PCDHGB3: variants seen among roughly 807,000 people sequenced by gnomAD.
PCDHGB3 encodes protocadherin gamma subfamily B, 3.
A neutral mutation model predicts 59.2 loss-of-function variants in PCDHGB3; 40 were observed. That is an observed-to-expected ratio of 0.68 (90% confidence interval 0.52 to 0.88). The LOEUF is 0.88. PCDHGB3 is among the 40% of genes least tolerant of loss of function. PCDHGB3 has a pLI of 0.00. For missense variants in PCDHGB3, 1,309 were observed against 1,187.9 expected, an observed-to-expected ratio of 1.10 and a Z score of -1.50; for synonymous variants, 581 against 503.6, an observed-to-expected ratio of 1.15 and a Z score of -2.06.
chr5:141,461,269 TTC>T (rs1316205976), intron 1 of PCDHGB3, among the ~76,000 whole-genome samples: 4 of 152,186 alleles, frequency 2.6e-5, no homozygotes, highest in Admixed American at 2.0e-4. Flanking sequence ...TGTGTAAGTG[TTC>T]TCTTTTCCCC....
chr5:141,383,137 C>T, intron 1 of PCDHGB3: 1 of 1,614,112 alleles, frequency 6.2e-7, no homozygotes, highest in Non-Finnish European at 8.5e-7. Context: ...CCTGAACCAG[C>T]GCAGCGGCAG....
intron 1 of PCDHGB3, among the ~76,000 whole-genome samples, chr5:141,387,387 G>C (rs2090926240): frequency 6.6e-6 from 1 of 152,214 alleles, no homozygotes; most frequent in Non-Finnish European, 1.5e-5. Context: ...TATATAGATA[G>C]TGCATGTTTG....
intron 1 of PCDHGB3, chr5:141,427,848 C>A: frequency 6.4e-7 from 1 of 1,551,668 alleles, no homozygotes; most frequent in Non-Finnish European, 8.8e-7. Flanking sequence ...CGACCACGAG[C>A]AGCTGTGCGC....
chr5:141,409,657 C>T (rs13184346), intron 1 of PCDHGB3: 1 of 1,613,620 alleles, frequency 6.2e-7, no homozygotes, highest in Non-Finnish European at 8.5e-7. Context: ...GGCTCAATGG[C>T]CACATCTCCT....
Position 141,487,820 on chromosome 5 carries a change from G to A in PCDHGB3, c.2416-6987G>A, listed in dbSNP as rs1024593393. 8 of 1,293,652 alleles carry A rather than the reference G, an allele frequency of 6.2e-6. No individual in the cohort carries two copies. The highest frequency in any genetic ancestry group is 3.7e-4 in the Middle Eastern group (2 of 5,382). 80.1% of individuals were successfully genotyped at this position (1,293,652 alleles called of 1,614,324 possible). A position where few individuals can be genotyped will look rare whatever the true frequency, so the allele number is the denominator to read the frequency against. On this transcript the variant is annotated intron_variant, in intron 1 of 3. Transcript: ENST00000576222. This position sits in a 1 kb window ranked among gnomAD's most constrained non-coding sequence, Gnocchi z 5.0. ...GTTGTCACAGTTTAGCATTGGGGGC[G>A]GGTCATGCCTATATCTGAGTAAGAA...
chr5:141,427,150 T>C (rs570999921), intron 1 of PCDHGB3: 6 of 456,866 alleles, frequency 1.3e-5, no homozygotes, highest in African/African-American at 4.0e-5. Flanking sequence ...ATTGGAAATA[T>C]GTTTGTGCTA....
rs534304763 is a variant in PCDHGB3 at position 141,394,533 on chromosome 5, G to A, written c.2415+21724G>A. On this transcript the variant is annotated intron_variant, in intron 1 of 3. Transcript: ENST00000576222. The stretch of plus-strand genomic sequence containing the variant: ...CGCCCTCCCCACAGACGGTTCCACT[G>A]GCGTGGAGCTGGCGCCCCGCTCCGC... The A allele has an allele frequency of 2.1e-5, 34 of 1,614,210 alleles. 1 individual carries two copies. In the South Asian group the frequency reaches 3.0e-4, roughly 14 times the overall value.
intron 1 of PCDHGB3, chr5:141,410,024 G>A (rs771946302): frequency 1.9e-6 from 3 of 1,613,164 alleles, no homozygotes; most frequent in South Asian, 1.1e-5. Context: ...GTCCTACCAC[G>A]TGCTGCAGGC....
intron 1 of PCDHGB3, among the ~76,000 whole-genome samples, chr5:141,435,592 C>T (rs573084790): frequency 1.3e-5 from 2 of 152,060 alleles, no homozygotes; most frequent in African/African-American, 2.4e-5. Flanking sequence ...GCAGTAATAT[C>T]GCCTGCTTTT....
At chr5:141,462,459 C>T (rs190781980) in intron 1 of PCDHGB3, among the ~76,000 whole-genome samples, 11 of 152,128 alleles carry the variant, frequency 7.2e-5, no homozygotes, top group Admixed American at 2.6e-4. Flanking sequence ...TAACTGAAAA[C>T]TGTGTATTCT....
chr5:141,512,866 AC>A lies in PCDHGB3; in HGVS notation c.*1694del. Reference sequence around the variant, plus strand: ...TATAAGCGCTTCTCTTCGCATAGTCACGTAGCTCCCACCCCACCCTCTTCCT... The same window carrying A: ...TATAAGCGCTTCTCTTCGCATAGTCAGTAGCTCCCACCCCACCCTCTTCCT... On this transcript the variant is annotated 3_prime_UTR_variant, in exon 4 of 4. Transcript: ENST00000576222. 1 of 152,098 alleles carries A rather than the reference AC, an allele frequency of 6.6e-6. No homozygotes were observed. Among genetic ancestry groups the A allele is most frequent in the Non-Finnish European group, 1.5e-5 (1 of 68,034 alleles). 9.4% of individuals were successfully genotyped at this position (152,098 alleles called of 1,614,324 possible).
Position 141,489,600 on chromosome 5 carries a change from G to A in PCDHGB3, c.2416-5207G>A, listed in dbSNP as rs1407225048. 8.1e-6 allele frequency: 13 copies of A among 1,614,034 alleles called. No homozygotes were observed. Among genetic ancestry groups the A allele is most frequent in the Non-Finnish European group, 1.1e-5 (13 of 1,179,962 alleles). ...ACCCCCTGGAGCTAATCCGTGTAGA[G>A]GTAGAGATCCTGGATCTCAATGACA... On this transcript the variant is annotated intron_variant, in intron 1 of 3. Transcript: ENST00000576222. This position sits in a 1 kb window ranked among gnomAD's most constrained non-coding sequence, Gnocchi z 4.5.
chr5:141,388,875 G>T lies in PCDHGB3; in HGVS notation c.2415+16066G>T, dbSNP rs201053346. ...TGGAGGAATGATTGCGCAATGCACAGTGGAGGTAGAAGTCATAGATGAAAA... is the reference window on the plus strand; with the variant it reads ...TGGAGGAATGATTGCGCAATGCACATTGGAGGTAGAAGTCATAGATGAAAA... On this transcript the variant is annotated intron_variant, in intron 1 of 3. Coordinates refer to ENST00000576222, the MANE Select transcript of PCDHGB3 (RefSeq NM_018924.5). 1.4e-4 allele frequency: 224 copies of T among 1,614,024 alleles called. No homozygotes were observed. The highest frequency in any genetic ancestry group is 1.8e-4 in the Non-Finnish European group (214 of 1,179,874).
intron 1 of PCDHGB3, among the ~76,000 whole-genome samples, chr5:141,479,935 A>C (rs1226362422): frequency 1.3e-5 from 2 of 152,232 alleles, no homozygotes. Context: ...CATCATTGCT[A>C]TCAACTCTTG....
chr5:141,377,638 G>T (rs1588842725), intron 1 of PCDHGB3: 1 of 151,416 alleles, frequency 6.6e-6, no homozygotes, highest in East Asian at 1.9e-4. Flanking sequence ...TTTTCTCAGT[G>T]TTACTTGATA....
intron 1 of PCDHGB3, among the ~76,000 whole-genome samples, chr5:141,454,918 C>T (rs1474616925): frequency 6.7e-6 from 1 of 149,344 alleles, no homozygotes; most frequent in Non-Finnish European, 1.5e-5. Context: ...CGCCATTCTC[C>T]TGCCTCAGCC....
chr5:141,485,118 G>C lies in PCDHGB3; in HGVS notation c.2416-9689G>C, dbSNP rs547390669. 1 of 1,331,536 alleles carries C rather than the reference G, an allele frequency of 7.5e-7. No homozygotes were observed. Among genetic ancestry groups the C allele is most frequent in the East Asian group, 2.3e-5 (1 of 43,534 alleles). The allele number at this position is 1,331,536 out of a possible 1,614,324, so 82.5% of individuals were successfully genotyped here. On this transcript the variant is annotated intron_variant, in intron 1 of 3. Coordinates refer to ENST00000576222, the MANE Select transcript of PCDHGB3 (RefSeq NM_018924.5). The surrounding 1 kb of genome is among the most constrained non-coding windows in gnomAD (Gnocchi z 5.7). ...TCTCCAGCTGCTGTGGCTGTTTGGG[G>C]CGGGTCGGCTTCATCCGCGTCTCAG...
At position 141,416,345 on chromosome 5, in the gene PCDHGB3, A is replaced by T. The variant is rs542527661; in HGVS notation, c.2415+43536A>T. ...ATTTAACTTTCATTGCTCAATAGGG[A>T]TCCTGAGGAGGCTATAGAGGGTGAA... On this transcript the variant is annotated intron_variant, in intron 1 of 3. Transcript: ENST00000576222. The T allele has an allele frequency of 4.6e-5, 7 of 152,330 alleles. No homozygotes were observed. In the East Asian group the frequency reaches 1.3e-3, roughly 29 times the overall value. The allele number at this position is 152,330 out of a possible 1,614,324, so 9.4% of individuals were successfully genotyped here. A position where few individuals can be genotyped will look rare whatever the true frequency, so the allele number is the denominator to read the frequency against.
chr5:141,409,125 AT>A, intron 1 of PCDHGB3: 1 of 1,613,982 alleles, frequency 6.2e-7, no homozygotes, highest in Non-Finnish European at 8.5e-7. Context: ...CAGTCATTTG[AT>A]TTTGAAGATG....
Sources: allele counts gnomAD v4.1 joint callset (sites outside exome capture counted in the v4.1 genomes callset), GRCh38; gene constraint gnomAD v4.1.1; non-coding constraint Gnocchi (gnomAD v3.1); transcripts MANE v1.5; gene names NCBI Gene and HGNC (gene_info 2026-07-23, HGNC 2026-07-21).